RIC1: variants seen among roughly 807,000 people sequenced by gnomAD.
RIC1 encodes guanine nucleotide exchange factor subunit RIC1.
A neutral mutation model predicts 169.0 loss-of-function variants in RIC1; 88 were observed. That is an observed-to-expected ratio of 0.52 (90% CI 0.44 to 0.62). The LOEUF is 0.62. Among genes scored for constraint, RIC1 ranks in the 20% least tolerant of loss-of-function variants. The pLI, the probability that RIC1 is intolerant of heterozygous loss-of-function variation, is 0.00. For synonymous variants in RIC1, 790 were observed against 601.5 expected, an observed-to-expected ratio of 1.31 and a Z score of -4.59; for missense variants, 1,877 against 1,725.5, an observed-to-expected ratio of 1.09 and a Z score of -1.56.
intron 15 of RIC1, 63 bp from the exon 16 acceptor site, chr9:5,756,149 G>C (rs1586697873): frequency 9.9e-7 from 1 of 1,007,264 alleles, no homozygotes. Flanking sequence ...CATGTTTAAA[G>C]TATTTGGTCA....
At chr9:5,640,883 C>T (rs1818204238) in intron 1 of RIC1, among the ~76,000 whole-genome samples, 1 of 151,600 alleles carries the variant, frequency 6.6e-6, no homozygotes, top group Non-Finnish European at 1.5e-5. Flanking sequence ...AAGGTAAATG[C>T]TTTTGTTTGT....
chr9:5,762,010 G>A (rs1211851533), intron 17 of RIC1, among the ~76,000 whole-genome samples: 2 of 152,124 alleles, frequency 1.3e-5, no homozygotes, highest in Non-Finnish European at 2.9e-5. Context: ...CTTCTTTCCT[G>A]CTGCTCTTTT....
At chr9:5,702,844 A>T (rs971881786) in intron 3 of RIC1, among the ~76,000 whole-genome samples, 1 of 152,048 alleles carries the variant, frequency 6.6e-6, no homozygotes, top group African/African-American at 2.4e-5. Context: ...ACTGCATGCA[A>T]CTGAGCTACA....
chr9:5,767,150 C>A (rs907985079), intron 21 of RIC1, among the ~76,000 whole-genome samples: 6 of 152,190 alleles, frequency 3.9e-5, no homozygotes, highest in African/African-American at 7.2e-5. Flanking sequence ...ATCCAAAAGC[C>A]TTCTTAAAGT....
In RIC1 at chr9:5,707,181, AT is replaced by A; in HGVS notation, c.333-6712del. Among the ~76,000 whole-genome samples, 2 of 152,164 alleles carry A rather than the reference AT, an allele frequency of 1.3e-5. 1 individual carries two copies. The highest frequency in any genetic ancestry group is 6.8e-3 in the Middle Eastern group (2 of 294). On this transcript the variant is annotated intron_variant, in intron 3 of 25. Coordinates refer to ENST00000414202, the MANE Select transcript of RIC1 (RefSeq NM_020829.4). ...TACAGTGTATTTTGAATTTCCACAT[AT>A]TTGAATTTTCTAGTTTTTCTTTTAC...
chr9:5,712,142 A>G (rs1454257730), intron 3 of RIC1, among the ~76,000 whole-genome samples: 1 of 152,206 alleles, frequency 6.6e-6, no homozygotes, highest in Non-Finnish European at 1.5e-5. Context: ...ATCCCTAAGG[A>G]ATCGCCACAC....
chr9:5,777,489 G>C (rs372422890), downstream of RIC1, among the ~76,000 whole-genome samples: 1 of 151,218 alleles, frequency 6.6e-6, no homozygotes, highest in Non-Finnish European at 1.5e-5. Flanking sequence ...ACAATCACAC[G>C]GACTCTGAAT....
At chr9:5,701,552 C>T (rs192807695) in intron 3 of RIC1, among the ~76,000 whole-genome samples, 1 of 150,866 alleles carries the variant, frequency 6.6e-6, no homozygotes, top group East Asian at 1.9e-4. Context: ...CGAGATTGCA[C>T]CACTGCACTC....
intron 3 of RIC1, 115 bp from the exon 4 acceptor site, chr9:5,713,781 A>G (rs1345171141): frequency 3.4e-6 from 2 of 588,498 alleles, no homozygotes; most frequent in African/African-American, 3.8e-5. Flanking sequence ...AATCTGAAGG[A>G]TGAATACCTG....
In RIC1 at chr9:5,769,117, C is replaced by A; in HGVS notation, c.3285C>A (p.Cys1095Ter). Residue 1095 changes from cysteine to a stop codon, truncating the protein, a stop_gained, in exon 22 of 26, where the codon TGC becomes TGA. Coordinates refer to ENST00000414202, the MANE Select transcript of RIC1 (RefSeq NM_020829.4). LOFTEE classifies it high-confidence loss of function. ...QLGFELISWL[C>*]KERTRAARVD... ...GCTTTGAACTAATTAGTTGGCTATGCAAGGAACGTACCCGAGCCGCCCGGG... is the reference window on the plus strand; with the variant it reads ...GCTTTGAACTAATTAGTTGGCTATGAAAGGAACGTACCCGAGCCGCCCGGG... 6.2e-7 allele frequency: 1 copy of A among 1,614,102 alleles called. No individual in the cohort carries two copies. The highest frequency in any genetic ancestry group is 8.5e-7 in the Non-Finnish European group (1 of 1,179,990).
At chr9:5,731,825 A>G (rs1457205965) in intron 6 of RIC1, among the ~76,000 whole-genome samples, 1 of 152,204 alleles carries the variant, frequency 6.6e-6, no homozygotes. Flanking sequence ...AGCTTAAAAA[A>G]GATCAAATAC....
chr9:5,748,114 C>T (rs1039917347), intron 12 of RIC1, among the ~76,000 whole-genome samples: 1 of 151,960 alleles, frequency 6.6e-6, no homozygotes, highest in Non-Finnish European at 1.5e-5. Context: ...ATTTTGATAC[C>T]AAGTAAAATT....
intron 1 of RIC1, among the ~76,000 whole-genome samples, chr9:5,648,835 C>A (rs138235451): frequency 6.6e-6 from 1 of 152,094 alleles, no homozygotes; most frequent in Non-Finnish European, 1.5e-5. Flanking sequence ...GTCTTTTGCC[C>A]ACTTTTTAAT....
chr9:5,739,197 T>C (rs1824916608), intron 8 of RIC1, among the ~76,000 whole-genome samples: 1 of 152,162 alleles, frequency 6.6e-6, no homozygotes. Context: ...CCCTAAGCCT[T>C]TGGATCCCTT....
intron 8 of RIC1, among the ~76,000 whole-genome samples, chr9:5,740,655 C>T (rs1327537203): frequency 2.7e-5 from 4 of 150,498 alleles, no homozygotes; most frequent in Non-Finnish European, 1.5e-5. Context: ...GGGGCTAGGC[C>T]CGTCTCTATT....
At chr9:5,691,068 C>G (rs530026570) in intron 3 of RIC1, among the ~76,000 whole-genome samples, 5 of 152,018 alleles carry the variant, frequency 3.3e-5, no homozygotes, top group African/African-American at 9.6e-5. Flanking sequence ...TTCTGATACA[C>G]AAAGGTGTGA....
chr9:5,708,823 C>T (rs1228388378), intron 3 of RIC1, among the ~76,000 whole-genome samples: 1 of 152,066 alleles, frequency 6.6e-6, no homozygotes, highest in African/African-American at 2.4e-5. Context: ...CATATATTCT[C>T]TTTTCTCTCT....
chr9:5,767,949 C>A (rs1036606504), intron 21 of RIC1, among the ~76,000 whole-genome samples: 10 of 152,182 alleles, frequency 6.6e-5, no homozygotes, highest in Non-Finnish European at 1.3e-4. Flanking sequence ...CATTTACATA[C>A]ATAGGTCCTA....
At position 5,765,817 on chromosome 9, in the gene RIC1, A is replaced by G; in HGVS notation, c.3137+19A>G. Reference sequence around the variant, plus strand: ...GAAAAAGGTAAAATAATAAAGAGCCATTACTGCTTTTTGGGCATTCATGAC... The same window carrying G: ...GAAAAAGGTAAAATAATAAAGAGCCGTTACTGCTTTTTGGGCATTCATGAC... On this transcript the variant is annotated intron_variant, in intron 21 of 25. Coordinates refer to ENST00000414202, the MANE Select transcript of RIC1 (RefSeq NM_020829.4). 1 of 1,613,198 alleles carries G rather than the reference A, an allele frequency of 6.2e-7. No individual in the cohort carries two copies. Among genetic ancestry groups the G allele is most frequent in the Non-Finnish European group, 8.5e-7 (1 of 1,179,578 alleles).
Sources: allele counts gnomAD v4.1 joint callset (sites outside exome capture counted in the v4.1 genomes callset), GRCh38; gene constraint gnomAD v4.1.1; transcripts MANE v1.5; gene names NCBI Gene and HGNC (gene_info 2026-07-23, HGNC 2026-07-21).